Variants in ZSWIM3 observed in about 807,000 individuals in gnomAD.
ZSWIM3 encodes zinc finger SWIM-type containing 3.
Under a neutral mutation model 47.5 loss-of-function variants are expected in ZSWIM3, and 27 were observed. That is an observed-to-expected ratio of 0.57 (90% CI 0.42 to 0.78). The LOEUF (loss-of-function observed/expected upper bound fraction) is 0.78, where lower values mean the gene tolerates loss of function less well. ZSWIM3 is among the 30% of genes least tolerant of loss of function. The pLI, the probability that ZSWIM3 is intolerant of heterozygous loss-of-function variation, is 0.00. For missense variants in ZSWIM3, 689 were observed against 861.3 expected (o/e 0.80, Z 2.50); for synonymous variants, 333 against 333.9 (o/e 1.00, Z 0.03).
chr20:45,872,890 C>T, intron 1 of ZSWIM3: 4 of 1,194,202 alleles, frequency 3.3e-6, no homozygotes, highest in Non-Finnish European at 3.2e-6. Flanking sequence ...ATCCTGTTTT[C>T]CCAAGCTTGC....
intron 1 of ZSWIM3, among the ~76,000 whole-genome samples, chr20:45,869,097 C>T (rs551286811): frequency 1.0e-3 from 152 of 152,236 alleles, no homozygotes; most frequent in African/African-American, 3.6e-3. Context: ...CCACTGTGCC[C>T]GGCCCTGCTA....
intron 1 of ZSWIM3, among the ~76,000 whole-genome samples, chr20:45,868,827 G>A (rs1192460601): frequency 6.6e-6 from 1 of 151,980 alleles, no homozygotes; most frequent in Admixed American, 6.5e-5. Context: ...TTTTGAGACA[G>A]GGTCTTGTTT....
At chr20:45,870,968 T>A (rs1985962196) in intron 1 of ZSWIM3, among the ~76,000 whole-genome samples, 2 of 152,186 alleles carry the variant, frequency 1.3e-5, no homozygotes, top group Admixed American at 6.5e-5. Context: ...ATGCTAGGAT[T>A]ACAGGTGTGA....
intron 1 of ZSWIM3, among the ~76,000 whole-genome samples, chr20:45,870,795 G>GTGAT (rs2145790397): frequency 6.6e-6 from 1 of 152,140 alleles, no homozygotes; most frequent in East Asian, 1.9e-4. Flanking sequence ...CTGGGTTCAA[G>GTGAT]TGATTCTTCT....
Position 45,876,894 on chromosome 20 carries a change from A to G in ZSWIM3, c.336A>G (p.Gly112=), listed in dbSNP as rs1986108524. 1 of 1,614,050 alleles carries G rather than the reference A, an allele frequency of 6.2e-7. No individual in the cohort carries two copies. Residue 112 remains glycine, a synonymous_variant, in exon 2 of 2, where the codon GGA becomes GGG. Coordinates refer to ENST00000255152, the MANE Select transcript of ZSWIM3 (RefSeq NM_080752.4). Reference sequence around the variant, plus strand: ...ACTCTAAAGTGGCTAGTCCTGGAGGAGACACCACTGGCAAATCTCAAAAGA... The same window carrying G: ...ACTCTAAAGTGGCTAGTCCTGGAGGGGACACCACTGGCAAATCTCAAAAGA... ...HGDSKVASPG[G]DTTGKSQKTM...
rs757139461 is a variant in ZSWIM3, at chr20:45,878,614, G to T, written c.2056G>T (p.Gly686Ter). ...CTGGGGAAAGCAAGAAGAAGGGGAG[G>T]GATTCCCTCCTGCTACAGCTGTGAT... Reference protein sequence around the residue: ...FLWGKQEEGEGFPPATAVMHY With the variant: ...FLWGKQEEGE The change falls in exon 2 of 2, where the codon GGA (glycine) becomes TGA (stop). Residue 686 changes from glycine (G) to a stop codon, truncating the protein, a stop_gained. Coordinates refer to ENST00000255152, the MANE Select transcript of ZSWIM3 (RefSeq NM_080752.4). LOFTEE classifies it low-confidence loss of function (END_TRUNC). 1.9e-6 allele frequency: 3 copies of T among 1,612,172 alleles called. No individual in the cohort carries two copies. The African/African-American group carries it at 4.0e-5, about 22-fold the overall frequency.
At chr20:45,872,941 T>C (rs1986007844) in intron 1 of ZSWIM3, 17 of 1,145,956 alleles carry the variant, frequency 1.5e-5, no homozygotes, top group Non-Finnish European at 1.8e-5. Context: ...ATTAGAGTAT[T>C]TGGAAAAGTG....
intron 1 of ZSWIM3, among the ~76,000 whole-genome samples, chr20:45,873,364 G>A (rs6104380): frequency 0.46 from 69,441 of 151,788 alleles, 17,636 homozygotes; most frequent in Admixed American, 0.57. Flanking sequence ...TCGAGCCATC[G>A]CACTCCAGCC....
intron 1 of ZSWIM3, among the ~76,000 whole-genome samples, chr20:45,869,175 G>A (rs1985911291): frequency 6.6e-6 from 1 of 151,988 alleles, no homozygotes; most frequent in Non-Finnish European, 1.5e-5. Context: ...CTATCTGGGT[G>A]GTAGTGATAA....
rs768134930 is a variant in ZSWIM3, at chr20:45,877,075, A to C, written c.517A>C (p.Lys173Gln). The change falls in exon 2 of 2, where the codon AAG becomes CAG. Residue 173 changes from lysine (K) to glutamine (Q), a missense_variant. Lys to Gln is a moderately conservative substitution (Grantham distance 53). Coordinates refer to ENST00000255152, the MANE Select transcript of ZSWIM3 (RefSeq NM_080752.4). ...QEGITPSDLA[K>Q]IAKVMKNFLK... The stretch of plus-strand genomic sequence containing the variant: ...AGGCATCACTCCTTCTGACCTGGCC[A>C]AGATAGCAAAAGTGATGAAGAACTT... 7 of 1,614,082 alleles carry C rather than the reference A, an allele frequency of 4.3e-6. No homozygotes were observed. The South Asian group carries it at 7.7e-5, about 18-fold the overall frequency.
chr20:45,874,048 A>G (rs1281964628), intron 1 of ZSWIM3, among the ~76,000 whole-genome samples: 2 of 152,202 alleles, frequency 1.3e-5, no homozygotes, highest in African/African-American at 4.8e-5. Context: ...CCCAGTGGTT[A>G]TCAAATTTTC....
rs1322862296 is a variant in ZSWIM3 at position 45,857,805 on chromosome 20, G to A, written c.-21G>A. 19 of 1,612,822 alleles carry A rather than the reference G, an allele frequency of 1.2e-5. No individual in the cohort carries two copies. Among genetic ancestry groups the A allele is most frequent in the Non-Finnish European group, 1.6e-5 (19 of 1,179,126 alleles). ...GGGCCCGGGCTGGGACCAGCCCCTA[G>A]TGTGGGTTGTGGGGGCGGCCATGGA... On this transcript the variant is annotated 5_prime_UTR_variant, in exon 1 of 2. The change creates a new upstream start codon in the 5' untranslated region. Coordinates refer to ENST00000255152, the MANE Select transcript of ZSWIM3 (RefSeq NM_080752.4).
At chr20:45,870,554 A>G (rs1985950498) in intron 1 of ZSWIM3, among the ~76,000 whole-genome samples, 1 of 152,212 alleles carries the variant, frequency 6.6e-6, no homozygotes, top group African/African-American at 2.4e-5. Context: ...AATTCCTGTT[A>G]TAGCTTTTTA....
chr20:45,862,859 C>T (rs967708111), intron 1 of ZSWIM3, among the ~76,000 whole-genome samples: 4 of 152,128 alleles, frequency 2.6e-5, no homozygotes, highest in African/African-American at 9.7e-5. Flanking sequence ...TGATATTGAA[C>T]TCCTAGGCTC....
chr20:45,870,744 A>G (rs1985956912), intron 1 of ZSWIM3, among the ~76,000 whole-genome samples: 1 of 151,290 alleles, frequency 6.6e-6, no homozygotes, highest in Non-Finnish European at 1.5e-5. Flanking sequence ...CCCAGGCTGG[A>G]GTGCAGTGGC....
intron 1 of ZSWIM3, among the ~76,000 whole-genome samples, chr20:45,868,958 T>C (rs1985906423): frequency 6.7e-6 from 1 of 149,970 alleles, no homozygotes; most frequent in Non-Finnish European, 1.5e-5. Flanking sequence ...CAAGCCATCA[T>C]GCCCAGCTAA....
Position 45,878,815 on chromosome 20 carries a change from C to T in ZSWIM3, c.*166C>T. On this transcript the variant is annotated 3_prime_UTR_variant, in exon 2 of 2. Transcript: ENST00000255152. ...AAGGGAACTCCACTGTGTGACAGTC[C>T]TTTCAATCTGCCCCTTTTCAGCCCT... The T allele has an allele frequency of 1.1e-6, 1 of 905,232 alleles. No homozygotes were observed. Among genetic ancestry groups the T allele is most frequent in the Non-Finnish European group, 1.6e-6 (1 of 627,768 alleles). The allele number at this position is 905,232 out of a possible 1,614,324, so 56.1% of individuals were successfully genotyped here.
Position 45,878,343 on chromosome 20 carries a change from T to C in ZSWIM3, c.1785T>C (p.Asn595=). Residue 595 remains asparagine (N), a synonymous_variant, in exon 2 of 2, where the codon AAT becomes AAC. Transcript: ENST00000255152. ...QKKYQYLLGP[N]GELQDRGMVP... is the part of the protein sequence containing the mutation. ...AGTACCAGTACCTCCTTGGGCCCAA[T>C]GGGGAGCTCCAGGATCGTGGTATGG... is the stretch of plus-strand genomic sequence containing the variant. The C allele has an allele frequency of 1.9e-6, 3 of 1,614,058 alleles. No homozygotes were observed. The highest frequency in any genetic ancestry group is 2.5e-6 in the Non-Finnish European group (3 of 1,179,988).
intron 1 of ZSWIM3, among the ~76,000 whole-genome samples, chr20:45,858,632 CAA>C (rs1985612712): frequency 6.6e-6 from 1 of 152,186 alleles, no homozygotes. Flanking sequence ...TTCGGCGTCT[CAA>C]AGTGTTAGGA....
Sources: gnomAD v4.1 joint callset for allele counts (sites outside exome capture counted in the v4.1 genomes callset) on GRCh38, gnomAD v4.1.1 for gene constraint, MANE v1.5 for transcripts, NCBI Gene and HGNC (gene_info 2026-07-23, HGNC 2026-07-21) for gene names.